The following TAFA1 variants were observed in gnomAD, a reference collection of about 807,000 sequenced individuals.
The protein encoded by TAFA1 is chemokine-like protein TAFA-1.
In TAFA1, 4 loss-of-function variants were observed where a neutral mutation model predicts 18.5. The ratio of observed to expected loss-of-function variants is 0.22; its 90% confidence interval spans 0.11 to 0.49. The LOEUF (loss-of-function observed/expected upper bound fraction) is 0.49, where lower values mean the gene tolerates loss of function less well. TAFA1 is among the 20% of genes least tolerant of loss of function. The pLI is 0.98. For missense variants in TAFA1, 147 were observed against 169.0 expected (o/e 0.87, Z 0.72); for synonymous variants, 56 against 55.2 (o/e 1.01, Z -0.06).
At chr3:68,276,570 AT>A (rs1200607618) in intron 2 of TAFA1, among the ~76,000 whole-genome samples, 6 of 152,214 alleles carry the variant, frequency 3.9e-5, no homozygotes, top group Non-Finnish European at 7.3e-5. Flanking sequence ...AATACTGTGT[AT>A]CGTACATGCA....
At chr3:68,410,249 C>G (rs17047637) in intron 2 of TAFA1, among the ~76,000 whole-genome samples, 3,837 of 152,082 alleles carry the variant, frequency 0.025, 75 homozygotes, top group East Asian at 0.093. Flanking sequence ...AGAGAGATGC[C>G]CCATGGAGTT....
chr3:68,079,748 T>G (rs935675718), intron 2 of TAFA1, among the ~76,000 whole-genome samples: 20 of 152,202 alleles, frequency 1.3e-4, no homozygotes, highest in African/African-American at 4.8e-4. Context: ...TGGTCAATTT[T>G]GGAATAGGTG....
chr3:68,066,676 C>A (rs2064682780), intron 2 of TAFA1, among the ~76,000 whole-genome samples: 1 of 152,096 alleles, frequency 6.6e-6, no homozygotes. Flanking sequence ...AGGAGCTGAC[C>A]ATGAAGACAT....
At chr3:68,179,180 A>G (rs2066165087) in intron 2 of TAFA1, among the ~76,000 whole-genome samples, 1 of 152,190 alleles carries the variant, frequency 6.6e-6, no homozygotes, top group African/African-American at 2.4e-5. Context: ...CAGGAAAACT[A>G]TATTTTATGT....
intron 2 of TAFA1, among the ~76,000 whole-genome samples, chr3:68,307,943 T>C (rs2068449270): frequency 6.6e-6 from 1 of 152,182 alleles, no homozygotes; most frequent in East Asian, 1.9e-4. Flanking sequence ...TAAGCCTTCT[T>C]AAGTGTTCTG....
At chr3:68,053,785 C>G (rs1453225874) in intron 2 of TAFA1, among the ~76,000 whole-genome samples, 4 of 152,098 alleles carry the variant, frequency 2.6e-5, no homozygotes, top group Non-Finnish European at 5.9e-5. Flanking sequence ...CTCACTGCAG[C>G]CTTGAACTTC....
intron 2 of TAFA1, among the ~76,000 whole-genome samples, chr3:68,403,320 A>C (rs1369124662): frequency 6.6e-6 from 1 of 152,220 alleles, no homozygotes; most frequent in Non-Finnish European, 1.5e-5. Flanking sequence ...GTTAAGCTTC[A>C]GCAACAACCT....
chr3:68,250,007 T>C (rs1293646559), intron 2 of TAFA1, among the ~76,000 whole-genome samples: 1 of 152,220 alleles, frequency 6.6e-6, no homozygotes, highest in Non-Finnish European at 1.5e-5. Flanking sequence ...CCTTCAGCTT[T>C]TTCTATCTCC....
At chr3:68,284,261 C>A (rs1452268688) in intron 2 of TAFA1, among the ~76,000 whole-genome samples, 1 of 152,066 alleles carries the variant, frequency 6.6e-6, no homozygotes, top group Non-Finnish European at 1.5e-5. Context: ...TCTTAATTTT[C>A]TTGCATGGAT....
intron 2 of TAFA1, among the ~76,000 whole-genome samples, chr3:68,116,183 AG>A (rs2065322468): frequency 6.6e-6 from 1 of 152,206 alleles, no homozygotes; most frequent in African/African-American, 2.4e-5. Flanking sequence ...TGAACCCAGG[AG>A]ACGGAGCTTG....
chr3:68,386,272 C>T (rs1391491053), intron 2 of TAFA1, among the ~76,000 whole-genome samples: 1 of 152,152 alleles, frequency 6.6e-6, no homozygotes, highest in Non-Finnish European at 1.5e-5. Context: ...TAACAAATGA[C>T]ACAGCTGGAA....
At chr3:68,166,896 C>A (rs2065988214) in intron 2 of TAFA1, among the ~76,000 whole-genome samples, 1 of 152,140 alleles carries the variant, frequency 6.6e-6, no homozygotes, top group Non-Finnish European at 1.5e-5. Flanking sequence ...ACCCAGTAGA[C>A]ATGCAGTAAA....
intron 3 of TAFA1, among the ~76,000 whole-genome samples, chr3:68,472,801 G>C (rs1009125903): frequency 6.6e-6 from 1 of 152,080 alleles, no homozygotes; most frequent in Non-Finnish European, 1.5e-5. Flanking sequence ...ATAAGTGATA[G>C]CAACTTTTTG....
chr3:68,167,828 A>G (rs2066003016), intron 2 of TAFA1, among the ~76,000 whole-genome samples: 1 of 152,148 alleles, frequency 6.6e-6, no homozygotes, highest in Non-Finnish European at 1.5e-5. Flanking sequence ...CAGTGAGCCC[A>G]GATTGCATCA....
intron 2 of TAFA1, among the ~76,000 whole-genome samples, chr3:68,055,819 G>A (rs544381005): frequency 6.6e-6 from 1 of 152,130 alleles, no homozygotes; most frequent in East Asian, 1.9e-4. Context: ...TAGAATGTTG[G>A]CTGGGGCTGT....
chr3:68,306,763 G>T (rs1353238873), intron 2 of TAFA1, among the ~76,000 whole-genome samples: 1 of 152,038 alleles, frequency 6.6e-6, no homozygotes, highest in Non-Finnish European at 1.5e-5. Context: ...TGCTATCCAT[G>T]GTGCTGAATC....
At chr3:68,420,509 CA>C (rs1226974489) in intron 3 of TAFA1, among the ~76,000 whole-genome samples, 2 of 152,134 alleles carry the variant, frequency 1.3e-5, no homozygotes, top group Non-Finnish European at 2.9e-5. Flanking sequence ...CATGAGCCAC[CA>C]CACCTGGCCA....
At chr3:68,389,596 G>A (rs968480293) in intron 2 of TAFA1, among the ~76,000 whole-genome samples, 10 of 152,022 alleles carry the variant, frequency 6.6e-5, no homozygotes, top group Admixed American at 3.3e-4. Context: ...GAACAGCTCC[G>A]GTCTGCAGTT....
At chr3:68,392,322 A>G (rs1646636839) in intron 2 of TAFA1, among the ~76,000 whole-genome samples, 6 of 152,196 alleles carry the variant, frequency 3.9e-5, no homozygotes, top group Admixed American at 3.9e-4. Context: ...TATCCTAAAT[A>G]AATACGCATC....
Sources: allele counts gnomAD v4.1 joint callset (sites outside exome capture counted in the v4.1 genomes callset), GRCh38; gene constraint gnomAD v4.1.1; transcripts MANE v1.5; gene names NCBI Gene and HGNC (gene_info 2026-07-23, HGNC 2026-07-21).